The following PCDHA7 variants were observed in gnomAD, a reference collection of about 807,000 sequenced individuals.
The protein encoded by PCDHA7 is protocadherin alpha-7.
In PCDHA7, 37 loss-of-function variants were observed where a neutral mutation model predicts 57.2. The ratio of observed to expected loss-of-function variants is 0.65; its 90% CI spans 0.50 to 0.85. PCDHA7 has a LOEUF of 0.85. PCDHA7 is among the 40% of genes least tolerant of loss of function. PCDHA7 has a pLI of 0.00. For missense variants in PCDHA7, 1,188 were observed against 1,241.8 expected (o/e 0.96, Z 0.65); for synonymous variants, 553 against 558.8 (o/e 0.99, Z 0.15).
intron 1 of PCDHA7, among the ~76,000 whole-genome samples, chr5:140,962,829 C>CT (rs1342441888): frequency 6.6e-6 from 1 of 152,190 alleles, no homozygotes; most frequent in East Asian, 1.9e-4. Flanking sequence ...CCATTTGTCT[C>CT]TTTTTTATTA....
intron 1 of PCDHA7, among the ~76,000 whole-genome samples, chr5:140,924,152 C>T (rs1163487854): frequency 6.6e-6 from 1 of 152,176 alleles, no homozygotes; most frequent in African/African-American, 2.4e-5. Context: ...TGAAGAAATG[C>T]ACATCCTAAT....
At chr5:140,923,877 C>T (rs555626217) in intron 1 of PCDHA7, among the ~76,000 whole-genome samples, 5 of 152,284 alleles carry the variant, frequency 3.3e-5, no homozygotes, top group East Asian at 1.9e-4. Flanking sequence ...ATCTGAGAAG[C>T]GTGTGAAAGA....
At chr5:140,985,227 G>A (rs557750656) in intron 3 of PCDHA7, among the ~76,000 whole-genome samples, 5 of 152,206 alleles carry the variant, frequency 3.3e-5, no homozygotes, top group Non-Finnish European at 2.9e-5. Flanking sequence ...GTGAGCCACC[G>A]CGCCTGGCCT....
intron 1 of PCDHA7, chr5:140,870,081 T>G (rs782572380): frequency 1.2e-6 from 2 of 1,613,698 alleles, no homozygotes. Context: ...ATAAGGGGAC[T>G]CCCCCAATGG....
chr5:141,004,092 C>T (rs1245515449), intron 3 of PCDHA7, among the ~76,000 whole-genome samples: 1 of 152,198 alleles, frequency 6.6e-6, no homozygotes, highest in Non-Finnish European at 1.5e-5. Context: ...TGTGCTTCTT[C>T]CGTTTTCATC....
At position 140,834,409 on chromosome 5, in the gene PCDHA7, C is replaced by G. The variant is rs2150217049; in HGVS notation, c.26C>G (p.Pro9Arg). Reference protein sequence around the residue: MVCPNGYDPGGRHLLLFII... With the variant: MVCPNGYDRGGRHLLLFII... The stretch of plus-strand genomic sequence containing the variant: ...ATGGTGTGCCCGAATGGATACGACC[C>G]AGGGGGCCGACATCTACTGCTGTTT... The change falls in exon 1 of 4, where the codon CCA (proline) becomes CGA (arginine). Residue 9 changes from proline (P) to arginine (R), a missense_variant. Physicochemically the swap from Pro to Arg is moderately radical, Grantham distance 103. This residue lies in a region of PCDHA7 where 194 missense variants were observed against 185.8 expected (regional missense o/e 1.04). Transcript: ENST00000525929. 4.8e-5 allele frequency: 78 copies of G among 1,610,292 alleles called. 1 individual carries two copies. The highest frequency in any genetic ancestry group is 5.9e-5 in the Non-Finnish European group (70 of 1,177,780).
rs199814121 is a variant in PCDHA7, at chr5:140,884,467, G to T, written c.2355+47729G>T. 3.9e-5 allele frequency: 63 copies of T among 1,613,778 alleles called. No individual in the cohort carries two copies. In the East Asian group the frequency reaches 1.3e-3, roughly 33 times the overall value. The stretch of plus-strand genomic sequence containing the variant: ...CACCGCCCACCGAGGGCGCGTGCGC[G>T]CCGGGCAAGCCCACTCTAGTGTGCT... On this transcript the variant is annotated intron_variant, in intron 1 of 3. Transcript: ENST00000525929.
intron 1 of PCDHA7, among the ~76,000 whole-genome samples, chr5:140,904,500 T>C (rs1454204932): frequency 6.6e-6 from 1 of 151,976 alleles, no homozygotes; most frequent in African/African-American, 2.4e-5. Flanking sequence ...ATTTTTACAA[T>C]TGTGAATTGT....
chr5:140,933,423 A>G (rs2089141997), intron 1 of PCDHA7, among the ~76,000 whole-genome samples: 1 of 152,144 alleles, frequency 6.6e-6, no homozygotes, highest in Non-Finnish European at 1.5e-5. Flanking sequence ...TTCTGTGTTC[A>G]TAGGGGCACT....
At chr5:140,988,556 C>A (rs574182013) in intron 3 of PCDHA7, among the ~76,000 whole-genome samples, 1 of 152,158 alleles carries the variant, frequency 6.6e-6, no homozygotes, top group South Asian at 2.1e-4. Flanking sequence ...TCTTCATCTT[C>A]TTCTTGGGAA....
At chr5:140,934,437 T>C (rs950173265) in intron 1 of PCDHA7, among the ~76,000 whole-genome samples, 4 of 152,298 alleles carry the variant, frequency 2.6e-5, no homozygotes, top group Admixed American at 6.5e-5. Context: ...AGTGTAAATA[T>C]AGTGAAAAAT....
chr5:140,853,754 A>C, intron 1 of PCDHA7: 1 of 988,728 alleles, frequency 1.0e-6, no homozygotes, highest in Non-Finnish European at 1.2e-6. Flanking sequence ...TCAAGGCTCC[A>C]CCTCAGAAAT....
intron 3 of PCDHA7, among the ~76,000 whole-genome samples, chr5:140,994,883 A>G (rs1197020328): frequency 2.6e-5 from 4 of 152,222 alleles, no homozygotes; most frequent in Non-Finnish European, 5.9e-5. Context: ...AAGAGATGTT[A>G]GGAAATGAGA....
In PCDHA7 at chr5:140,883,821, A is replaced by T; in HGVS notation, c.2355+47083A>T. ...GTGCACGCGGAGAGCGGCAAGGTGT[A>T]CGCGCTGCAGCCGTTGGACCACGAG... On this transcript the variant is annotated intron_variant, in intron 1 of 3. Transcript: ENST00000525929. 6.2e-7 allele frequency: 1 copy of T among 1,612,450 alleles called. No individual in the cohort carries two copies. The highest frequency in any genetic ancestry group is 8.5e-7 in the Non-Finnish European group (1 of 1,179,756).
intron 1 of PCDHA7, chr5:140,842,380 T>A (rs1777905222): frequency 6.2e-7 from 1 of 1,610,180 alleles, no homozygotes; most frequent in Non-Finnish European, 8.5e-7. Context: ...TAGCACTGAC[T>A]TCCTTATCCT....
rs782098088 is a variant in PCDHA7, at chr5:140,856,583, CT to C, written c.2355+19847del. On this transcript the variant is annotated intron_variant, in intron 1 of 3. Transcript: ENST00000525929. Reference sequence around the variant, plus strand: ...ACTCAGTCCAAATGAGTATTTTGTTCTTGATATTATAAACAAAAAAGACAAA... The same window carrying C: ...ACTCAGTCCAAATGAGTATTTTGTTCTGATATTATAAACAAAAAAGACAAA... The C allele has an allele frequency of 1.3e-6, 2 of 1,597,002 alleles. 1 individual carries two copies. Among genetic ancestry groups the C allele is most frequent in the African/African-American group, 2.7e-5 (2 of 74,388 alleles).
intron 1 of PCDHA7, chr5:140,868,074 T>C (rs1554161742): frequency 6.6e-6 from 1 of 152,138 alleles, no homozygotes; most frequent in Non-Finnish European, 1.5e-5. Context: ...AGGGTGATTT[T>C]ATTTATTTTA....
At chr5:140,967,473 C>G in intron 1 of PCDHA7, 1 of 1,613,362 alleles carries the variant, frequency 6.2e-7, no homozygotes, top group Admixed American at 1.7e-5. Context: ...GGCATCCCAG[C>G]CCGCTCGGGT....
At chr5:140,870,508 C>T in intron 1 of PCDHA7, 1 of 1,614,244 alleles carries the variant, frequency 6.2e-7, no homozygotes, top group Non-Finnish European at 8.5e-7. Flanking sequence ...GAACAACCCA[C>T]CAGGCTGCCA....
Sources: allele counts gnomAD v4.1 joint callset (sites outside exome capture counted in the v4.1 genomes callset), GRCh38; gene constraint gnomAD v4.1.1; regional missense constraint gnomAD v4.1.1; transcripts MANE v1.5; gene names NCBI Gene and HGNC (gene_info 2026-07-23, HGNC 2026-07-21).